The following GPCPD1 variants were observed in gnomAD, a reference collection of about 807,000 sequenced individuals.
The protein encoded by GPCPD1 is glycerophosphocholine phosphodiesterase GPCPD1.
A neutral mutation model predicts 89.2 loss-of-function variants in GPCPD1; 29 were observed. The observed-to-expected ratio is 0.33, with a 90% confidence interval of 0.24 to 0.44. The LOEUF is 0.44. Among genes scored for constraint, GPCPD1 ranks in the 20% least tolerant of loss-of-function variants. GPCPD1 has a pLI of 1.00. For missense variants in GPCPD1, 594 were observed against 808.9 expected (o/e 0.73, Z 3.22); for synonymous variants, 258 against 266.3 (o/e 0.97, Z 0.30).
chr20:5,582,421 C>T (rs189209359), intron 6 of GPCPD1, among the ~76,000 whole-genome samples: 1 of 152,222 alleles, frequency 6.6e-6, no homozygotes, highest in African/African-American at 2.4e-5. Flanking sequence ...TTCTACCATA[C>T]ATAAACATAT....
chr20:5,582,055 G>A (rs61135552), intron 6 of GPCPD1, among the ~76,000 whole-genome samples: 3 of 147,260 alleles, frequency 2.0e-5, no homozygotes, highest in South Asian at 2.1e-4. Context: ...GCGTGGTAGC[G>A]GGCGCCTGTA....
chr20:5,579,464 C>G (rs560528727), intron 7 of GPCPD1, among the ~76,000 whole-genome samples: 4 of 152,318 alleles, frequency 2.6e-5, no homozygotes, highest in African/African-American at 9.6e-5. Flanking sequence ...TCTCCTGCCT[C>G]AGCCTCCCAA....
chr20:5,602,945 T>G (rs1980267698), intron 2 of GPCPD1, among the ~76,000 whole-genome samples: 1 of 148,798 alleles, frequency 6.7e-6, no homozygotes, highest in South Asian at 2.1e-4. Context: ...ATCGCGTCAT[T>G]GCACTCCAGC....
Position 5,578,400 on chromosome 20 carries a change from G to T in GPCPD1, c.685C>A (p.Leu229Ile). The T allele has an allele frequency of 1.2e-6, 2 of 1,609,212 alleles. No homozygotes were observed. The highest frequency in any genetic ancestry group is 1.7e-6 in the Non-Finnish European group (2 of 1,175,462). ...IQTMEPDNLELIFDFFEEDLS... is the reference protein window; with the variant it reads ...IQTMEPDNLEIIFDFFEEDLS... ...CTCACTTCGAAAAAATCAAAGATTAGTTCCAGGTTATCTGGTTCCATCGTC... is the reference window on the plus strand; with the variant it reads ...CTCACTTCGAAAAAATCAAAGATTATTTCCAGGTTATCTGGTTCCATCGTC... Residue 229 changes from leucine to isoleucine, a missense_variant, in exon 8 of 20, where the codon CTA becomes ATA. Leu to Ile is a conservative substitution (Grantham distance 5). Coordinates refer to ENST00000379019, the MANE Select transcript of GPCPD1 (RefSeq NM_019593.5).
intron 3 of GPCPD1, among the ~76,000 whole-genome samples, chr20:5,596,227 C>T (rs1483052146): frequency 6.6e-6 from 1 of 151,784 alleles, no homozygotes. Context: ...ACAGTGAAAC[C>T]TCATCTCTAT....
intron 4 of GPCPD1, 145 bp downstream of exon 4, chr20:5,593,182 T>C (rs1243542549): frequency 1.1e-5 from 6 of 521,798 alleles, no homozygotes; most frequent in African/African-American, 1.9e-5. Flanking sequence ...GCTACTTCCT[T>C]GGTTTTGGTA....
At chr20:5,566,876 T>C (rs1160297084) in intron 13 of GPCPD1, 104 bp from the exon 14 acceptor site, 4 of 741,098 alleles carry the variant, frequency 5.4e-6, no homozygotes, top group Non-Finnish European at 9.6e-6. Flanking sequence ...AAAAAGCCTA[T>C]AAAACGTAGA....
chr20:5,581,586 T>G (rs1360674620), intron 6 of GPCPD1, among the ~76,000 whole-genome samples: 5 of 152,152 alleles, frequency 3.3e-5, no homozygotes, highest in Admixed American at 1.3e-4. Flanking sequence ...ATTTATATAT[T>G]CTGCCATAAA....
intron 1 of GPCPD1, among the ~76,000 whole-genome samples, chr20:5,605,960 T>G (rs73587618): frequency 0.034 from 5,115 of 152,176 alleles, 265 homozygotes; most frequent in African/African-American, 0.12. Flanking sequence ...GGAATCACTT[T>G]GATTATTTAT....
intron 8 of GPCPD1, among the ~76,000 whole-genome samples, chr20:5,577,061 T>G (rs1332754765): frequency 4.4e-5 from 5 of 114,072 alleles, no homozygotes; most frequent in Admixed American, 1.9e-4. Context: ...TTGTTTTTTT[T>G]TTTGTTTTTT....
At chr20:5,609,056 A>G (rs1414203670) in intron 1 of GPCPD1, among the ~76,000 whole-genome samples, 1 of 152,200 alleles carries the variant, frequency 6.6e-6, no homozygotes, top group African/African-American at 2.4e-5. Context: ...TGGGAAACCA[A>G]AGGGATATGA....
In GPCPD1 at chr20:5,604,436, T is replaced by G; in HGVS notation, c.-24A>C. The G allele has an allele frequency of 6.6e-7, 1 of 1,507,978 alleles. No individual in the cohort carries two copies. Among genetic ancestry groups the G allele is most frequent in the African/African-American group, 1.4e-5 (1 of 72,026 alleles). The allele number at this position is 1,507,978 out of a possible 1,614,324, so 93.4% of individuals were successfully genotyped here. On this transcript the variant is annotated 5_prime_UTR_variant, in exon 2 of 20. Transcript: ENST00000379019. ...ATTCTGATGGATTTATTTTATGATG[T>G]CGTGCTAGGAAAAAAAAGAAAAGTA...
intron 18 of GPCPD1, 57 bp from the exon 19 acceptor site, chr20:5,558,162 T>A (rs1985883113): frequency 3.8e-6 from 4 of 1,058,500 alleles, no homozygotes; most frequent in Non-Finnish European, 5.7e-6. Context: ...CAAAGCTAAA[T>A]GCTCACACTC....
intron 9 of GPCPD1, 66 bp from the exon 10 acceptor site, chr20:5,575,611 T>C: frequency 1.8e-6 from 2 of 1,119,298 alleles, no homozygotes; most frequent in South Asian, 1.4e-5. Flanking sequence ...ATGAGCTACA[T>C]TATATTTAAA....
intron 11 of GPCPD1, among the ~76,000 whole-genome samples, chr20:5,572,435 A>G (rs919749955): frequency 2.0e-5 from 3 of 152,202 alleles, no homozygotes; most frequent in Non-Finnish European, 4.4e-5. Flanking sequence ...ATAAGCTGTC[A>G]ATTAAATTAT....
intron 12 of GPCPD1, among the ~76,000 whole-genome samples, chr20:5,568,775 G>C (rs990745942): frequency 1.3e-5 from 2 of 152,052 alleles, no homozygotes; most frequent in African/African-American, 4.8e-5. Context: ...GCTTGGTCCA[G>C]CTACTTAGGA....
chr20:5,587,375 C>T lies in GPCPD1; in HGVS notation c.232-1106G>A, dbSNP rs1170070160. Reference sequence around the variant, plus strand: ...TTCTAGGCATTATATTACACATACTCTTTTTTTTTTTTAGACAGAGTCTCA... The same window carrying T: ...TTCTAGGCATTATATTACACATACTTTTTTTTTTTTTTAGACAGAGTCTCA... On this transcript the variant is annotated intron_variant, in intron 4 of 19. Transcript: ENST00000379019. 2.1e-5 allele frequency among the ~76,000 whole-genome samples: 3 copies of T among 145,294 alleles called. No individual in the cohort carries two copies. In the East Asian group the frequency reaches 6.0e-4, roughly 29 times the overall value.
intron 19 of GPCPD1, among the ~76,000 whole-genome samples, chr20:5,556,524 A>G (rs941759030): frequency 7.2e-5 from 11 of 152,026 alleles, no homozygotes; most frequent in Admixed American, 5.2e-4. Flanking sequence ...ATTTATATGC[A>G]CTCGGAACCA....
At chr20:5,603,700 C>T (rs1192166306) in intron 2 of GPCPD1, among the ~76,000 whole-genome samples, 1 of 151,714 alleles carries the variant, frequency 6.6e-6, no homozygotes, top group African/African-American at 2.4e-5. Context: ...AACATATTCA[C>T]ACATAGGAAC....
Sources: gnomAD v4.1 joint callset for allele counts (sites outside exome capture counted in the v4.1 genomes callset) on GRCh38, gnomAD v4.1.1 for gene constraint, MANE v1.5 for transcripts, NCBI Gene and HGNC (gene_info 2026-07-23, HGNC 2026-07-21) for gene names.